BICC1: variants seen among roughly 807,000 people sequenced by gnomAD.
The protein encoded by BICC1 is BicC family RNA binding protein 1, also known as protein bicaudal C homolog 1.
BICC1 carries 43 observed loss-of-function variants against 111.0 expected under a neutral mutation model. That is an observed-to-expected ratio of 0.39 (90% CI 0.30 to 0.50). BICC1 has a LOEUF of 0.50. Among genes scored for constraint, BICC1 ranks in the 20% least tolerant of loss-of-function variants. BICC1 has a pLI of 0.88. For missense variants in BICC1, 1,091 were observed against 1,203.2 expected (o/e 0.91, Z 1.38); for synonymous variants, 467 against 434.4 (o/e 1.07, Z -0.93).
chr10:58,631,752 A>G lies in BICC1; in HGVS notation c.237+10851A>G, dbSNP rs144215139. 2.5e-3 allele frequency among the ~76,000 whole-genome samples: 386 copies of G among 152,332 alleles called. 1 individual carries two copies. The highest frequency in any genetic ancestry group is 8.7e-3 in the African/African-American group (361 of 41,580). ...AGTTCATCACTAATTTTATGAAAGA[A>G]GAAAACAAAACAGAAAAATAACCAG... On this transcript the variant is annotated intron_variant, in intron 2 of 20. Transcript: ENST00000373886.
chr10:58,517,550 A>C (rs1842274805), intron 1 of BICC1, among the ~76,000 whole-genome samples: 1 of 152,242 alleles, frequency 6.6e-6, no homozygotes, highest in Non-Finnish European at 1.5e-5. Context: ...GAAGATAAAG[A>C]GTAAAGCTTA....
chr10:58,613,309 A>T (rs1179045043), intron 1 of BICC1, among the ~76,000 whole-genome samples: 1 of 152,232 alleles, frequency 6.6e-6, no homozygotes, highest in Non-Finnish European at 1.5e-5. Flanking sequence ...AAGACAGTTT[A>T]AGGAAAACCT....
chr10:58,623,954 A>AG (rs1845906678), intron 2 of BICC1, among the ~76,000 whole-genome samples: 1 of 152,138 alleles, frequency 6.6e-6, no homozygotes, highest in Non-Finnish European at 1.5e-5. Context: ...TGAGATTGTT[A>AG]GGGAAAAAAA....
chr10:58,657,290 A>G (rs1838688339), intron 2 of BICC1, among the ~76,000 whole-genome samples: 1 of 152,050 alleles, frequency 6.6e-6, no homozygotes, highest in Non-Finnish European at 1.5e-5. Flanking sequence ...CCATCTTCTC[A>G]CTCATTGGCG....
At chr10:58,556,951 T>TA (rs1843465424) in intron 1 of BICC1, among the ~76,000 whole-genome samples, 1 of 152,112 alleles carries the variant, frequency 6.6e-6, no homozygotes, top group African/African-American at 2.4e-5. Flanking sequence ...AAAGGATGTC[T>TA]ACATTCTCAT....
intron 1 of BICC1, among the ~76,000 whole-genome samples, chr10:58,597,824 A>C (rs1244927839): frequency 1.3e-5 from 2 of 152,036 alleles, no homozygotes; most frequent in Non-Finnish European, 2.9e-5. Context: ...CTTTTTGCCC[A>C]ACCCCGCAGG....
chr10:58,565,742 C>A (rs1197112481), intron 1 of BICC1, among the ~76,000 whole-genome samples: 1 of 152,112 alleles, frequency 6.6e-6, no homozygotes, highest in Non-Finnish European at 1.5e-5. Context: ...GGGTAGAAGA[C>A]TGGTTGCAGG....
intron 3 of BICC1, among the ~76,000 whole-genome samples, chr10:58,724,348 A>C (rs1034913740): frequency 3.3e-5 from 5 of 152,104 alleles, no homozygotes; most frequent in Non-Finnish European, 7.4e-5. Context: ...AGAGAAATTC[A>C]ATTGGATGAT....
intron 2 of BICC1, among the ~76,000 whole-genome samples, chr10:58,629,704 T>G (rs1466787582): frequency 6.6e-6 from 1 of 152,258 alleles, no homozygotes; most frequent in Non-Finnish European, 1.5e-5. Context: ...CTAGGAGATT[T>G]ACAGTAATGA....
chr10:58,778,176 G>A (rs1056805006), intron 3 of BICC1, among the ~76,000 whole-genome samples: 2 of 152,060 alleles, frequency 1.3e-5, no homozygotes, highest in African/African-American at 4.8e-5. Context: ...TCACACCACT[G>A]CACACCAGCC....
intron 2 of BICC1, among the ~76,000 whole-genome samples, chr10:58,657,054 T>C (rs1838679148): frequency 6.6e-6 from 1 of 152,112 alleles, no homozygotes; most frequent in Admixed American, 6.6e-5. Flanking sequence ...CTTTCTCCAT[T>C]CCTCTATCTT....
At chr10:58,527,001 A>G (rs994564624) in intron 1 of BICC1, among the ~76,000 whole-genome samples, 5 of 152,238 alleles carry the variant, frequency 3.3e-5, no homozygotes, top group African/African-American at 1.2e-4. Flanking sequence ...AGGAATCACC[A>G]CACTGTCTTC....
intron 1 of BICC1, among the ~76,000 whole-genome samples, chr10:58,587,518 A>G (rs1411775475): frequency 6.6e-6 from 1 of 152,236 alleles, no homozygotes; most frequent in African/African-American, 2.4e-5. Context: ...TGATTTAACA[A>G]TCTAGAAAAA....
chr10:58,769,390 G>A (rs1842553883), intron 3 of BICC1, among the ~76,000 whole-genome samples: 3 of 111,710 alleles, frequency 2.7e-5, no homozygotes, highest in Admixed American at 1.8e-4. Flanking sequence ...GTGTGTGTGT[G>A]TGTGTGTGTG....
At chr10:58,795,207 A>C (rs1254881095) in intron 9 of BICC1, among the ~76,000 whole-genome samples, 1 of 152,202 alleles carries the variant, frequency 6.6e-6, no homozygotes, top group Non-Finnish European at 1.5e-5. Context: ...TATATATAAT[A>C]TGTATTTTAT....
intron 1 of BICC1, among the ~76,000 whole-genome samples, chr10:58,533,418 C>T (rs1393583262): frequency 6.6e-6 from 1 of 151,772 alleles, no homozygotes; most frequent in African/African-American, 2.4e-5. Context: ...ATGGTTGATA[C>T]AATCACTTAC....
chr10:58,528,477 C>T (rs922528203), intron 1 of BICC1, among the ~76,000 whole-genome samples: 12 of 151,862 alleles, frequency 7.9e-5, no homozygotes, highest in African/African-American at 2.9e-4. Flanking sequence ...ACTGAATTAT[C>T]TTGTTCTTAG....
intron 1 of BICC1, among the ~76,000 whole-genome samples, chr10:58,602,305 A>T (rs1845065782): frequency 6.6e-6 from 1 of 152,184 alleles, no homozygotes; most frequent in South Asian, 2.1e-4. Flanking sequence ...GAGTATGACC[A>T]ATGTGTTTGC....
chr10:58,542,217 A>G (rs73298524), intron 1 of BICC1, among the ~76,000 whole-genome samples: 2,479 of 151,676 alleles, frequency 0.016, 65 homozygotes, highest in African/African-American at 0.057. Flanking sequence ...TAGAGAATCG[A>G]GAAATAAATC....
Sources: allele counts gnomAD v4.1 joint callset (sites outside exome capture counted in the v4.1 genomes callset), GRCh38; gene constraint gnomAD v4.1.1; transcripts MANE v1.5; gene names NCBI Gene and HGNC (gene_info 2026-07-23, HGNC 2026-07-21).